Variants in AFG1L observed in about 807,000 individuals in gnomAD.
The protein encoded by AFG1L is AFG1-like ATPase.
Under a neutral mutation model 62.2 loss-of-function variants are expected in AFG1L, and 53 were observed. The ratio of observed to expected loss-of-function variants is 0.85; its 90% CI spans 0.68 to 1.07. The LOEUF is 1.07. AFG1L is among the 50% of genes least tolerant of loss of function. The pLI, the probability that AFG1L is intolerant of heterozygous loss-of-function variation, is 0.00. For missense variants in AFG1L, 555 were observed against 590.5 expected, an observed-to-expected ratio of 0.94 and a Z score of 0.62; for synonymous variants, 228 against 210.3, an observed-to-expected ratio of 1.08 and a Z score of -0.73.
At chr6:108,442,824 C>G (rs1369415175) in intron 7 of AFG1L, among the ~76,000 whole-genome samples, 1 of 152,132 alleles carries the variant, frequency 6.6e-6, no homozygotes, top group Non-Finnish European at 1.5e-5. Flanking sequence ...AGAAACCCCC[C>G]TTAGTCTTGG....
At chr6:108,453,291 C>T (rs1327787874) in intron 8 of AFG1L, among the ~76,000 whole-genome samples, 2 of 141,028 alleles carry the variant, frequency 1.4e-5, no homozygotes, top group African/African-American at 2.5e-5. Flanking sequence ...CATATTTGTG[C>T]TTGGCTAATA....
chr6:108,390,007 A>G (rs1780975907), intron 6 of AFG1L, among the ~76,000 whole-genome samples: 1 of 152,178 alleles, frequency 6.6e-6, no homozygotes, highest in African/African-American at 2.4e-5. Flanking sequence ...TTTCACTTTC[A>G]GGTACACCAA....
intron 7 of AFG1L, among the ~76,000 whole-genome samples, chr6:108,425,793 ATAATC>A (rs1770786296): frequency 6.6e-6 from 1 of 152,298 alleles, no homozygotes; most frequent in Non-Finnish European, 1.5e-5. Context: ...ATATAAAAGT[ATAATC>A]TATCTTATTA....
chr6:108,518,451 G>A (rs1420802389), intron 11 of AFG1L, among the ~76,000 whole-genome samples: 1 of 142,272 alleles, frequency 7.0e-6, no homozygotes, highest in East Asian at 2.2e-4. Flanking sequence ...ATTGAACAAT[G>A]AGAACACATG....
chr6:108,445,452 G>A (rs781355446), intron 7 of AFG1L, among the ~76,000 whole-genome samples: 4 of 152,086 alleles, frequency 2.6e-5, no homozygotes, highest in African/African-American at 9.7e-5. Flanking sequence ...AGAGGCCTAG[G>A]TTTTTGTCTG....
intron 7 of AFG1L, among the ~76,000 whole-genome samples, chr6:108,405,395 GAGTGC>G (rs1461782698): frequency 6.6e-6 from 1 of 152,056 alleles, no homozygotes; most frequent in African/African-American, 2.4e-5. Context: ...GCCTAGGCTG[GAGTGC>G]AGTGGCACAA....
At chr6:108,472,004 T>C (rs749946907) in intron 8 of AFG1L, among the ~76,000 whole-genome samples, 2 of 152,138 alleles carry the variant, frequency 1.3e-5, no homozygotes, top group Non-Finnish European at 2.9e-5. Flanking sequence ...TGGAATATTA[T>C]TCAACCTTAA....
At chr6:108,493,402 C>T (rs1263539470) in intron 10 of AFG1L, among the ~76,000 whole-genome samples, 2 of 152,130 alleles carry the variant, frequency 1.3e-5, no homozygotes, top group African/African-American at 4.8e-5. Flanking sequence ...TCACAGACTC[C>T]CTCTGCCTTC....
chr6:108,427,283 C>T (rs1017943975), intron 7 of AFG1L, among the ~76,000 whole-genome samples: 3 of 151,786 alleles, frequency 2.0e-5, no homozygotes, highest in African/African-American at 2.4e-5. Flanking sequence ...GAGATGGTGT[C>T]TTGCTATGTT....
chr6:108,361,410 G>A (rs1270354286), intron 5 of AFG1L, among the ~76,000 whole-genome samples: 3 of 152,196 alleles, frequency 2.0e-5, no homozygotes, highest in Non-Finnish European at 2.9e-5. Context: ...CCAGTCTTTC[G>A]TCTCTGGTCA....
intron 1 of AFG1L, among the ~76,000 whole-genome samples, chr6:108,308,905 C>A (rs1777303590): frequency 6.6e-6 from 1 of 152,056 alleles, no homozygotes; most frequent in Non-Finnish European, 1.5e-5. Context: ...TGGGGTTTCA[C>A]CATGTTGGCC....
chr6:108,323,151 C>T (rs1777880087), intron 1 of AFG1L, among the ~76,000 whole-genome samples: 1 of 152,094 alleles, frequency 6.6e-6, no homozygotes, highest in South Asian at 2.1e-4. Context: ...TGTCTTGGTG[C>T]TTAAGAACCA....
intron 3 of AFG1L, among the ~76,000 whole-genome samples, chr6:108,350,005 T>C (rs915501429): frequency 3.3e-5 from 5 of 151,896 alleles, no homozygotes; most frequent in Admixed American, 1.3e-4. Context: ...GGGCGGGTCA[T>C]TGAGGTCAGG....
At chr6:108,368,281 C>T (rs966356694) in intron 6 of AFG1L, among the ~76,000 whole-genome samples, 4 of 151,672 alleles carry the variant, frequency 2.6e-5, no homozygotes, top group Non-Finnish European at 4.4e-5. Flanking sequence ...GACATTTATA[C>T]ATTTGATAAT....
intron 11 of AFG1L, among the ~76,000 whole-genome samples, chr6:108,514,155 G>C (rs1354258521): frequency 6.6e-6 from 1 of 152,140 alleles, no homozygotes; most frequent in East Asian, 1.9e-4. Flanking sequence ...AAACCACAAA[G>C]ACGGGGAAAA....
At chr6:108,514,726 C>T (rs1774807813) in intron 11 of AFG1L, among the ~76,000 whole-genome samples, 1 of 152,114 alleles carries the variant, frequency 6.6e-6, no homozygotes, top group South Asian at 2.1e-4. Context: ...ATTCAAGACC[C>T]ATCAGTGTGC....
chr6:108,386,354 G>T (rs1440539799), intron 6 of AFG1L, among the ~76,000 whole-genome samples: 2 of 152,068 alleles, frequency 1.3e-5, no homozygotes, highest in Admixed American at 1.3e-4. Context: ...CCAGCTATTT[G>T]GGGGGCTGGG....
At chr6:108,334,149 G>A (rs1778385181) in intron 2 of AFG1L, among the ~76,000 whole-genome samples, 1 of 152,028 alleles carries the variant, frequency 6.6e-6, no homozygotes, top group African/African-American at 2.4e-5. Flanking sequence ...GTAGGGCTAA[G>A]GCATGCGCCA....
intron 7 of AFG1L, among the ~76,000 whole-genome samples, chr6:108,433,384 A>G (rs572361795): frequency 6.6e-5 from 10 of 151,138 alleles, no homozygotes; most frequent in African/African-American, 1.7e-4. Flanking sequence ...GGTTCAGCCA[A>G]TTCTCCTGCC....
Sources: allele counts gnomAD v4.1 joint callset (sites outside exome capture counted in the v4.1 genomes callset), GRCh38; gene constraint gnomAD v4.1.1; transcripts MANE v1.5; gene names NCBI Gene and HGNC (gene_info 2026-07-23, HGNC 2026-07-21).